Variants in OSBPL9 observed in about 807,000 individuals in gnomAD.
The protein encoded by OSBPL9 is oxysterol-binding protein-related protein 9.
A neutral mutation model predicts 106.6 loss-of-function variants in OSBPL9; 40 were observed. The ratio of observed to expected loss-of-function variants is 0.38; its 90% CI spans 0.29 to 0.49. OSBPL9 has a LOEUF of 0.49. Ranked by LOEUF, OSBPL9 falls within the 20% of genes least tolerant of loss-of-function variation. OSBPL9 has a pLI of 0.97. For synonymous variants in OSBPL9, 269 were observed against 295.4 expected, an observed-to-expected ratio of 0.91 and a Z score of 0.92; for missense variants, 609 against 887.2, an observed-to-expected ratio of 0.69 and a Z score of 3.98.
chr1:51,707,143 TG>T, intron 3 of OSBPL9: 1 of 388,632 alleles, frequency 2.6e-6, no homozygotes, highest in Non-Finnish European at 5.3e-6. Flanking sequence ...ACTTACTCCT[TG>T]GAGGCCATGT....
At chr1:51,572,004 C>T in the OSBPL9 span, among the ~76,000 whole-genome samples, 1 of 152,176 alleles carries the variant, frequency 6.6e-6, no homozygotes, top group African/African-American at 2.4e-5. Context: ...CCCTCACTGG[C>T]ATCACCAAGG....
intron 3 of OSBPL9, among the ~76,000 whole-genome samples, chr1:51,708,537 A>T (rs1300888897): frequency 6.6e-6 from 1 of 152,114 alleles, no homozygotes; most frequent in Non-Finnish European, 1.5e-5. Flanking sequence ...TTATTGATTA[A>T]TGCAAGTGAT....
At chr1:51,721,857 G>T (rs1159217189) in intron 4 of OSBPL9, among the ~76,000 whole-genome samples, 1 of 152,212 alleles carries the variant, frequency 6.6e-6, no homozygotes, top group Non-Finnish European at 1.5e-5. Context: ...TGGAGAAGTA[G>T]CCAGTTAAAT....
chr1:51,527,446 G>C, the OSBPL9 span, among the ~76,000 whole-genome samples: 160 of 152,224 alleles, frequency 1.1e-3, no homozygotes, highest in Non-Finnish European at 1.6e-3. Flanking sequence ...CCAGGATGGA[G>C]TGCAGTGGTG....
chr1:51,603,285 T>C (rs1303240154), intron 2 of OSBPL9, among the ~76,000 whole-genome samples: 1 of 152,240 alleles, frequency 6.6e-6, no homozygotes, highest in East Asian at 1.9e-4. Flanking sequence ...GAAAACAAGT[T>C]ATGTGCTGGT....
the OSBPL9 span, among the ~76,000 whole-genome samples, chr1:51,538,258 C>A: frequency 2.0e-4 from 31 of 152,216 alleles, no homozygotes; most frequent in African/African-American, 7.5e-4. Context: ...CGCCACTGCA[C>A]TCCAGCCTGG....
chr1:51,672,649 ATGT>A (rs1177391229), intron 3 of OSBPL9, among the ~76,000 whole-genome samples: 3 of 152,184 alleles, frequency 2.0e-5, no homozygotes, highest in Non-Finnish European at 4.4e-5. Flanking sequence ...AGATTCATCT[ATGT>A]TGTTGTATAT....
In OSBPL9 at chr1:51,788,552, G is replaced by GAA. The variant is rs1445998893; in HGVS notation, c.*765_*766dup. 2.0e-5 allele frequency: 3 copies of GAA among 152,364 alleles called. No individual in the cohort carries two copies. The highest frequency in any genetic ancestry group is 4.4e-5 in the Non-Finnish European group (3 of 68,014). The allele number at this position is 152,364 out of a possible 1,614,324, so 9.4% of individuals were successfully genotyped here. ...TGAATACAAGAGCTAGCTTTTCAAA[G>GAA]AAAGACACTTGAAATAATGGAGGAT... On this transcript the variant is annotated 3_prime_UTR_variant, in exon 24 of 24. Transcript: ENST00000428468.
At chr1:51,687,188 A>G (rs1168550176) in intron 3 of OSBPL9, among the ~76,000 whole-genome samples, 1 of 152,160 alleles carries the variant, frequency 6.6e-6, no homozygotes, top group Non-Finnish European at 1.5e-5. Context: ...TGAAAATCCC[A>G]CACACTGAGG....
chr1:51,728,791 C>T (rs1663625124), intron 4 of OSBPL9, among the ~76,000 whole-genome samples: 1 of 152,168 alleles, frequency 6.6e-6, no homozygotes, highest in African/African-American at 2.4e-5. Context: ...TCCCAAAGTG[C>T]TGGGATTTCA....
At chr1:51,519,241 A>C in the OSBPL9 span, 14 of 1,311,752 alleles carry the variant, frequency 1.1e-5, no homozygotes, top group African/African-American at 1.4e-4. Context: ...TGGTGTTTCC[A>C]TCATGCAAGG....
At chr1:51,776,250 T>C (rs1675050721) in intron 14 of OSBPL9, among the ~76,000 whole-genome samples, 1 of 152,200 alleles carries the variant, frequency 6.6e-6, no homozygotes, top group Admixed American at 6.5e-5. Flanking sequence ...AACTTAATTC[T>C]TGGATTGTAG....
chr1:51,576,764 C>T (rs1264391385), upstream of OSBPL9, among the ~76,000 whole-genome samples: 4 of 152,118 alleles, frequency 2.6e-5, no homozygotes, highest in Non-Finnish European at 5.9e-5. Flanking sequence ...TGGGCTCAAG[C>T]GATCCTACTT....
Position 51,610,243 on chromosome 1 carries a change from ATTTG to A in OSBPL9, c.-352-4059_-352-4056del, listed in dbSNP as rs747546501. Among the ~76,000 whole-genome samples, 53 of 146,904 alleles carry A rather than the reference ATTTG, an allele frequency of 3.6e-4. No homozygotes were observed. In the Middle Eastern group the frequency reaches 0.018, roughly 51 times the overall value. ...AAGAAACTCTCAAAAAGGAACTGAT[ATTTG>A]TTGTTGTTGTTGTTGTTGTTGTTGT... On this transcript the variant is annotated intron_variant, in intron 2 of 25. Coordinates refer to the OSBPL9 transcript ENST00000371714.
At chr1:51,519,069 C>T in the OSBPL9 span, 32 of 565,834 alleles carry the variant, frequency 5.7e-5, no homozygotes, top group Non-Finnish European at 8.4e-6. Flanking sequence ...CCCTCACACA[C>T]ACCGGCCGCC....
intron 1 of OSBPL9, among the ~76,000 whole-genome samples, chr1:51,631,811 G>A (rs1282930199): frequency 6.6e-6 from 1 of 152,200 alleles, no homozygotes; most frequent in Non-Finnish European, 1.5e-5. Flanking sequence ...GAAAGCTAAA[G>A]GCAAGGGGGC....
At chr1:51,763,013 T>G (rs1487881796) in intron 11 of OSBPL9, among the ~76,000 whole-genome samples, 1 of 152,208 alleles carries the variant, frequency 6.6e-6, no homozygotes, top group Non-Finnish European at 1.5e-5. Context: ...AACGTTTTGT[T>G]TTTTGTTTTT....
intron 1 of OSBPL9, among the ~76,000 whole-genome samples, chr1:51,649,927 T>G (rs1289259240): frequency 3.3e-5 from 5 of 152,026 alleles, no homozygotes; most frequent in African/African-American, 7.2e-5. Flanking sequence ...CAGGCTAGAG[T>G]GCAGGGGTGT....
intron 8 of OSBPL9, among the ~76,000 whole-genome samples, chr1:51,752,963 G>A (rs1364869117): frequency 1.3e-5 from 2 of 152,122 alleles, no homozygotes; most frequent in African/African-American, 4.8e-5. Flanking sequence ...TGTATCCTCA[G>A]TGCCTACAGT....
Sources: allele counts gnomAD v4.1 joint callset (sites outside exome capture counted in the v4.1 genomes callset), GRCh38; gene constraint gnomAD v4.1.1; transcripts MANE v1.5; gene names NCBI Gene and HGNC (gene_info 2026-07-23, HGNC 2026-07-21).